The following CCDC171 variants were observed in gnomAD, a reference collection of about 807,000 sequenced individuals.
CCDC171 encodes coiled-coil domain containing 171.
In CCDC171, 177 loss-of-function variants were observed where a neutral mutation model predicts 168.2. That is an observed-to-expected ratio of 1.05 (90% CI 0.93 to 1.19). The LOEUF (loss-of-function observed/expected upper bound fraction) is 1.19, where lower values mean the gene tolerates loss of function less well. CCDC171 is among the 50% of genes most tolerant of loss of function. The probability of loss-of-function intolerance (pLI) is 0.00; values close to 1 mark genes in which losing one functional copy is unlikely to be tolerated. For missense variants in CCDC171, 1,991 were observed against 1,539.0 expected (o/e 1.29, Z -4.91); for synonymous variants, 687 against 540.8 (o/e 1.27, Z -3.75).
intron 11 of CCDC171, among the ~76,000 whole-genome samples, chr9:15,708,283 T>A (rs545801696): frequency 9.2e-5 from 14 of 152,360 alleles, no homozygotes; most frequent in Admixed American, 8.5e-4. Context: ...TGCACAGAAA[T>A]GTTGAAAACA....
At chr9:15,915,435 A>C (rs1298945913) in intron 24 of CCDC171, among the ~76,000 whole-genome samples, 1 of 151,890 alleles carries the variant, frequency 6.6e-6, no homozygotes, top group African/African-American at 2.4e-5. Flanking sequence ...TTATGGGTGT[A>C]TGGAAATGCT....
At chr9:16,055,883 T>C (rs1007186052) in intron 1 of CCDC171, among the ~76,000 whole-genome samples, 1 of 152,228 alleles carries the variant, frequency 6.6e-6, no homozygotes, top group Admixed American at 6.5e-5. Flanking sequence ...AGCAAGCAAG[T>C]GCTATTAAAT....
intron 18 of CCDC171, among the ~76,000 whole-genome samples, chr9:15,757,538 G>A (rs1248095980): frequency 6.6e-6 from 1 of 152,204 alleles, no homozygotes; most frequent in African/African-American, 2.4e-5. Context: ...CTGACAATGT[G>A]GTAGACAGAA....
At chr9:15,598,920 T>C (rs1415902543) in intron 6 of CCDC171, among the ~76,000 whole-genome samples, 1 of 146,550 alleles carries the variant, frequency 6.8e-6, no homozygotes, top group African/African-American at 2.4e-5. Flanking sequence ...TCTTTGTCTC[T>C]TTTGATCTTT....
intron 21 of CCDC171, among the ~76,000 whole-genome samples, chr9:15,822,512 C>A (rs1400718942): frequency 6.6e-6 from 1 of 151,790 alleles, no homozygotes; most frequent in African/African-American, 2.4e-5. Context: ...CCCACATGAA[C>A]AAGTGGGCGA....
chr9:15,764,947 T>C lies in CCDC171; in HGVS notation c.2672-12653T>C, dbSNP rs527363236. Reference sequence around the variant, plus strand: ...TGTGGACCTTTCAACATTTAGAGGTTAGGAAATGAGAAGGATATAGCAAAG... The same window carrying C: ...TGTGGACCTTTCAACATTTAGAGGTCAGGAAATGAGAAGGATATAGCAAAG... On this transcript the variant is annotated intron_variant, in intron 18 of 25. Transcript: ENST00000380701. Among the ~76,000 whole-genome samples the C allele has an allele frequency of 3.5e-4, 53 of 152,264 alleles. 1 individual carries two copies. Among genetic ancestry groups the C allele is most frequent in the African/African-American group, 1.3e-3 (52 of 41,554 alleles).
intron 6 of CCDC171, among the ~76,000 whole-genome samples, chr9:15,619,981 A>G (rs1051204184): frequency 6.6e-6 from 1 of 152,212 alleles, no homozygotes; most frequent in African/African-American, 2.4e-5. Flanking sequence ...TCATCTCTTT[A>G]CAGAATATTT....
intron 24 of CCDC171, among the ~76,000 whole-genome samples, chr9:15,890,293 G>C (rs7040549): frequency 0.07 from 10,594 of 152,104 alleles, 838 homozygotes; most frequent in African/African-American, 0.19. Context: ...CTTTAGAGAT[G>C]AATGAAATTT....
chr9:15,608,945 A>C (rs2043433064), intron 6 of CCDC171, among the ~76,000 whole-genome samples: 1 of 76,456 alleles, frequency 1.3e-5, no homozygotes, highest in Admixed American at 1.7e-4. Context: ...ACCCTGTCTC[A>C]AAAAAAAAAA....
chr9:15,628,352 A>G (rs1157087757), intron 7 of CCDC171, among the ~76,000 whole-genome samples: 1 of 152,170 alleles, frequency 6.6e-6, no homozygotes. Flanking sequence ...GACGGGCTTA[A>G]AAAACGGCGC....
downstream of CCDC171, chr9:16,061,448 A>C (rs1833929886): frequency 1.3e-5 from 2 of 152,154 alleles, no homozygotes; most frequent in Non-Finnish European, 2.9e-5. Flanking sequence ...TGTGATTTTG[A>C]CTTTGTAGCC....
intron 18 of CCDC171, among the ~76,000 whole-genome samples, chr9:15,756,168 T>C (rs1190351997): frequency 6.6e-6 from 1 of 151,988 alleles, no homozygotes; most frequent in Non-Finnish European, 1.5e-5. Context: ...GATCCACTAA[T>C]CAACAAACTC....
At chr9:15,768,600 C>G (rs2056855222) in intron 18 of CCDC171, among the ~76,000 whole-genome samples, 1 of 152,086 alleles carries the variant, frequency 6.6e-6, no homozygotes, top group South Asian at 2.1e-4. Context: ...TATTCTAAAA[C>G]ATATAAAAGT....
chr9:15,987,363 C>T (rs1832024420), intron 3 of CCDC171, among the ~76,000 whole-genome samples: 1 of 152,004 alleles, frequency 6.6e-6, no homozygotes. Context: ...TATTCCAAAC[C>T]CTCATGACAC....
At chr9:15,624,226 G>A (rs1237500693) in intron 7 of CCDC171, among the ~76,000 whole-genome samples, 1 of 152,036 alleles carries the variant, frequency 6.6e-6, no homozygotes, top group Non-Finnish European at 1.5e-5. Flanking sequence ...AAAATGAATA[G>A]TAAAATCAAC....
chr9:15,837,320 C>T (rs999117138), intron 21 of CCDC171, among the ~76,000 whole-genome samples: 13 of 152,262 alleles, frequency 8.5e-5, no homozygotes, highest in Admixed American at 2.6e-4. Context: ...TGTTTTTCTT[C>T]AGGTGAATGG....
At chr9:15,691,544 T>TATATATATATATATATA (rs1554762170) in intron 10 of CCDC171, among the ~76,000 whole-genome samples, 45 of 87,734 alleles carry the variant, frequency 5.1e-4, no homozygotes, top group African/African-American at 2.2e-3. Flanking sequence ...AATATATGTT[T>TATATATATATATATATA]TTTATATATA....
intron 21 of CCDC171, among the ~76,000 whole-genome samples, chr9:15,791,611 G>T (rs1164454843): frequency 2.0e-5 from 3 of 152,056 alleles, no homozygotes; most frequent in Non-Finnish European, 2.9e-5. Flanking sequence ...TGATTGCCCT[G>T]GTCAGAACTT....
intron 12 of CCDC171, 139 bp from the exon 13 acceptor site, chr9:15,723,538 CTTAA>C: frequency 1.6e-6 from 1 of 622,480 alleles, no homozygotes; most frequent in Non-Finnish European, 2.8e-6. Flanking sequence ...TTTAAAGACT[CTTAA>C]TTACTATTGA....
Sources: gnomAD v4.1 joint callset for allele counts (sites outside exome capture counted in the v4.1 genomes callset) on GRCh38, gnomAD v4.1.1 for gene constraint, MANE v1.5 for transcripts, NCBI Gene and HGNC (gene_info 2026-07-23, HGNC 2026-07-21) for gene names.